FAM149A: variants seen among roughly 807,000 people sequenced by gnomAD.
The protein encoded by FAM149A is family with sequence similarity 149 member A, also known as protein FAM149A.
A neutral mutation model predicts 78.2 loss-of-function variants in FAM149A; 71 were observed. That is an observed-to-expected ratio of 0.91 (90% CI 0.75 to 1.11). FAM149A has a LOEUF of 1.11. Ranked by LOEUF, FAM149A falls within the 50% of genes least tolerant of loss-of-function variation. The pLI is 0.00. For missense variants in FAM149A, 1,036 were observed against 971.0 expected (o/e 1.07, Z -0.89); for synonymous variants, 446 against 410.5 (o/e 1.09, Z -1.04).
chr4:186,171,510 G>T (rs6852500), intron 13 of FAM149A, among the ~76,000 whole-genome samples: 2,176 of 151,924 alleles, frequency 0.014, 59 homozygotes, highest in African/African-American at 0.05. Context: ...TTATTTCTGT[G>T]ATAGAAAAAA....
rs1735627717 is a variant in FAM149A, at chr4:186,173,226, T to A, written c.*1239T>A. 8.8e-6 allele frequency among the ~76,000 whole-genome samples: 1 copy of A among 113,270 alleles called. No homozygotes were observed. Among genetic ancestry groups the A allele is most frequent in the Admixed American group, 8.6e-5 (1 of 11,678 alleles). The allele number at this position is 113,270 out of a possible 152,430, so 74.3% of individuals were successfully genotyped here. A position where few individuals can be genotyped will look rare whatever the true frequency, so the allele number is the denominator to read the frequency against. Reference sequence around the variant, plus strand: ...AGGGATCATTGCCTACTAGTAGATGTCTGAAATTTTAAAAGATGTGTTGAG... The same window carrying A: ...AGGGATCATTGCCTACTAGTAGATGACTGAAATTTTAAAAGATGTGTTGAG... On this transcript the variant is annotated 3_prime_UTR_variant, in exon 14 of 14. Coordinates refer to ENST00000389354, the MANE Select transcript of FAM149A (RefSeq NM_001367768.3).
chr4:186,162,861 G>A lies in FAM149A; in HGVS notation c.1592G>A (p.Ser531Asn). 2 of 1,211,896 alleles carry A rather than the reference G, an allele frequency of 1.7e-6. No homozygotes were observed. The highest frequency in any genetic ancestry group is 2.4e-6 in the Non-Finnish European group (2 of 847,060). 75.1% of individuals were successfully genotyped at this position (1,211,896 alleles called of 1,614,324 possible). The stretch of plus-strand genomic sequence containing the variant: ...TGTTCTCAGATTCATCACTTCTCCA[G>A]CAGTTTTTATAGTGACATGAATGGT... The change falls in exon 9 of 14, where the codon AGC becomes AAC. Residue 531 changes from serine to asparagine, a missense_variant. Physicochemically the swap from Ser to Asn is conservative, Grantham distance 46. Around this residue, in one of 3 missense-constraint regions of FAM149A, gnomAD observed 716 missense variants for 711.8 expected, o/e 1.01. Transcript: ENST00000389354.
At chr4:186,132,140 C>G (rs570542672) in intron 1 of FAM149A, 110 of 985,398 alleles carry the variant, frequency 1.1e-4, no homozygotes, top group Non-Finnish European at 1.3e-4. Flanking sequence ...GACAAATTAC[C>G]TTGGTACGAG....
chr4:186,163,301 C>T (rs1025027400), intron 9 of FAM149A, 123 bp from the exon 10 acceptor site: 8 of 702,454 alleles, frequency 1.1e-5, no homozygotes, highest in African/African-American at 8.9e-5. Context: ...TCATTCAACC[C>T]GTGCTTAGGA....
chr4:186,136,976 T>TTCTCTCTC (rs70964917), intron 1 of FAM149A, among the ~76,000 whole-genome samples: 61 of 72,074 alleles, frequency 8.5e-4, no homozygotes, highest in Non-Finnish European at 8.9e-4. Context: ...CTCTCTCTCT[T>TTCTCTCTC]TCTCTCTCTC....
At chr4:186,134,764 G>T (rs186811205) in intron 1 of FAM149A, among the ~76,000 whole-genome samples, 5 of 151,766 alleles carry the variant, frequency 3.3e-5, no homozygotes, top group Admixed American at 3.3e-4. Flanking sequence ...TCTGGATTCT[G>T]GTCCCTGGCC....
intron 1 of FAM149A, chr4:186,118,087 G>A: frequency 2.0e-6 from 2 of 985,452 alleles, no homozygotes; most frequent in Non-Finnish European, 2.4e-6. Context: ...GACATTCATG[G>A]TGGAATATGG....
intron 1 of FAM149A, chr4:186,109,401 C>A: frequency 1.2e-6 from 1 of 850,178 alleles, no homozygotes; most frequent in Non-Finnish European, 1.4e-6. Context: ...GTCAGCATGG[C>A]TGGCAGTAAA....
At chr4:186,109,047 C>T (rs2099310079) in intron 1 of FAM149A, 2 of 206,708 alleles carry the variant, frequency 9.7e-6, no homozygotes, top group African/African-American at 4.7e-5. Context: ...AGGGGTTTCA[C>T]CATGTTAGCC....
At chr4:186,117,958 T>A (rs1250559997) in intron 1 of FAM149A, 1 of 985,166 alleles carries the variant, frequency 1.0e-6, no homozygotes, top group Non-Finnish European at 1.2e-6. Flanking sequence ...AGAGTGCCAC[T>A]CATAAAGGGG....
rs1195296431 is a variant in FAM149A at position 186,149,620 on chromosome 4, C to G, written c.705C>G (p.His235Gln). ...GAAGCCATACACCCACGGGAGCCCA[C>G]ACCTCTTGGTCTGGGTCGGCCACAC... Residue 235 changes from histidine (H) to glutamine (Q), a missense_variant, in exon 3 of 14, where the codon CAC (histidine) becomes CAG (glutamine). By Grantham distance (24) the His-to-Gln change is conservative. Around this residue, in one of 3 missense-constraint regions of FAM149A, gnomAD observed 716 missense variants for 711.8 expected, o/e 1.01. Transcript: ENST00000389354. 1 of 1,289,946 alleles carries G rather than the reference C, an allele frequency of 7.8e-7. No homozygotes were observed. The highest frequency in any genetic ancestry group is 1.0e-6 in the Non-Finnish European group (1 of 988,858). The allele number at this position is 1,289,946 out of a possible 1,614,324, so 79.9% of individuals were successfully genotyped here. A position where few individuals can be genotyped will look rare whatever the true frequency, so the allele number is the denominator to read the frequency against.
At chr4:186,117,600 C>A in intron 1 of FAM149A, 1 of 985,378 alleles carries the variant, frequency 1.0e-6, no homozygotes, top group Non-Finnish European at 1.2e-6. Flanking sequence ...GCCGTGGAGG[C>A]CCAGAGCCAC....
chr4:186,153,290 A>G, intron 4 of FAM149A: 1 of 951,368 alleles, frequency 1.1e-6, no homozygotes, highest in Middle Eastern at 5.4e-4. Flanking sequence ...TGTATTAGTT[A>G]ATATGTATGG....
intron 1 of FAM149A, among the ~76,000 whole-genome samples, chr4:186,119,076 T>G (rs2099314906): frequency 6.6e-6 from 1 of 152,172 alleles, no homozygotes; most frequent in African/African-American, 2.4e-5. Flanking sequence ...CAGGGGACAC[T>G]CTTCCCTCAT....
At chr4:186,167,548 A>T (rs1735167367) in intron 13 of FAM149A, 1 of 459,620 alleles carries the variant, frequency 2.2e-6, no homozygotes, top group Non-Finnish European at 4.0e-6. Flanking sequence ...TCTTAGGAGC[A>T]GTGAGTACCT....
intron 4 of FAM149A, among the ~76,000 whole-genome samples, chr4:186,152,433 T>G (rs966074214): frequency 5.3e-4 from 80 of 152,242 alleles, no homozygotes; most frequent in African/African-American, 1.9e-3. Flanking sequence ...TAGATGGGTC[T>G]TCCCATCTCA....
At chr4:186,107,793 T>G (rs2099309403) in intron 1 of FAM149A, 3 of 152,232 alleles carry the variant, frequency 2.0e-5, no homozygotes, top group African/African-American at 7.2e-5. Flanking sequence ...CCTCCTGAGT[T>G]TGTGTGTTCC....
rs925038428 is a variant in FAM149A at position 186,125,385 on chromosome 4, A to G, written c.566+19743A>G. On this transcript the variant is annotated intron_variant, in intron 1 of 13. Coordinates refer to ENST00000389354, the MANE Select transcript of FAM149A (RefSeq NM_001367768.3). ...CTGCGGAGGTCTCTTGATGATAGCC[A>G]CTGCTGAGGGAAGCAGCCCTAGGCA... The G allele has an allele frequency of 5.2e-6, 5 of 959,612 alleles. No homozygotes were observed. In the African/African-American group the frequency reaches 7.1e-5, roughly 14 times the overall value. 59.4% of individuals were successfully genotyped at this position (959,612 alleles called of 1,614,324 possible). A position where few individuals can be genotyped will look rare whatever the true frequency, so the allele number is the denominator to read the frequency against.
chr4:186,169,237 C>T (rs1481488857), intron 13 of FAM149A: 9 of 983,008 alleles, frequency 9.2e-6, no homozygotes, highest in Non-Finnish European at 1.1e-5. Flanking sequence ...ATTGTTTCTA[C>T]AATTATAAAA....
Sources: allele counts gnomAD v4.1 joint callset (sites outside exome capture counted in the v4.1 genomes callset), GRCh38; gene constraint gnomAD v4.1.1; regional missense constraint gnomAD v4.1.1; transcripts MANE v1.5; gene names NCBI Gene and HGNC (gene_info 2026-07-23, HGNC 2026-07-21).